Variants in C1orf87 observed in about 807,000 individuals in gnomAD.
The protein encoded by C1orf87 is chromosome 1 open reading frame 87.
Under a neutral mutation model 60.5 loss-of-function variants are expected in C1orf87, and 58 were observed. The ratio of observed to expected loss-of-function variants is 0.96; its 90% CI spans 0.78 to 1.19. C1orf87 has a LOEUF of 1.19. Among genes scored for constraint, C1orf87 ranks in the 50% most tolerant of loss-of-function variants. The pLI is 0.00. For synonymous variants in C1orf87, 236 were observed against 227.4 expected (o/e 1.04, Z -0.34); for missense variants, 673 against 638.6 (o/e 1.05, Z -0.58).
At chr1:60,030,928 T>C (rs1372065039) in intron 7 of C1orf87, among the ~76,000 whole-genome samples, 2 of 152,244 alleles carry the variant, frequency 1.3e-5, no homozygotes, top group African/African-American at 4.8e-5. Context: ...ACAAGACCCA[T>C]AGAATATCCT....
chr1:60,063,726 G>A (rs185473032), intron 2 of C1orf87, among the ~76,000 whole-genome samples: 2 of 152,284 alleles, frequency 1.3e-5, no homozygotes, highest in East Asian at 3.9e-4. Flanking sequence ...TCACTAGGAT[G>A]GAGGCGAGTA....
chr1:60,060,251 C>T (rs1645486375), intron 2 of C1orf87, among the ~76,000 whole-genome samples: 1 of 152,000 alleles, frequency 6.6e-6, no homozygotes, highest in Admixed American at 6.6e-5. Flanking sequence ...TATCTAAATG[C>T]TTATGTGTGT....
intron 8 of C1orf87, among the ~76,000 whole-genome samples, chr1:60,023,812 C>A (rs1645180522): frequency 6.6e-6 from 1 of 152,092 alleles, no homozygotes; most frequent in Admixed American, 6.5e-5. Flanking sequence ...TTACTCAGAT[C>A]TTCCTCATTT....
At chr1:60,046,770 C>T (rs1645375077) in intron 3 of C1orf87, among the ~76,000 whole-genome samples, 2 of 152,170 alleles carry the variant, frequency 1.3e-5, no homozygotes, top group South Asian at 4.1e-4. Flanking sequence ...AGTCTTCCCA[C>T]TCTGCCCCTT....
At chr1:60,004,487 T>C (rs1055938249) in intron 9 of C1orf87, among the ~76,000 whole-genome samples, 2 of 152,026 alleles carry the variant, frequency 1.3e-5, no homozygotes, top group Admixed American at 6.6e-5. Context: ...AAATAAGATC[T>C]AGAACATAAA....
At chr1:60,058,971 G>T (rs1241271708) in intron 2 of C1orf87, among the ~76,000 whole-genome samples, 2 of 152,148 alleles carry the variant, frequency 1.3e-5, no homozygotes, top group East Asian at 3.9e-4. Context: ...GGCAGTGTCA[G>T]GACAGAATTG....
intron 3 of C1orf87, 96 bp downstream of exon 3, chr1:60,055,108 A>G (rs1645443506): frequency 9.2e-7 from 1 of 1,085,280 alleles, no homozygotes; most frequent in African/African-American, 1.6e-5. Flanking sequence ...TATATTAATG[A>G]ACATTTGTAC....
chr1:60,064,991 AC>A (rs1361158668), intron 2 of C1orf87, among the ~76,000 whole-genome samples: 1 of 17,210 alleles, frequency 5.8e-5, no homozygotes, highest in African/African-American at 2.0e-4. Flanking sequence ...ATTATAAAAT[AC>A]ATATAAATAT....
At chr1:60,063,375 G>A (rs1645509977) in intron 2 of C1orf87, among the ~76,000 whole-genome samples, 1 of 152,058 alleles carries the variant, frequency 6.6e-6, no homozygotes, top group Admixed American at 6.6e-5. Context: ...CTCTCCAAAT[G>A]TTTTCTCTCT....
At chr1:60,060,585 CAAG>C (rs1394809819) in intron 2 of C1orf87, among the ~76,000 whole-genome samples, 1 of 152,002 alleles carries the variant, frequency 6.6e-6, no homozygotes, top group African/African-American at 2.4e-5. Flanking sequence ...GATAGGAACT[CAAG>C]AAAATCTATT....
intron 7 of C1orf87, among the ~76,000 whole-genome samples, chr1:60,028,114 T>C (rs758521883): frequency 9.9e-5 from 15 of 151,986 alleles, no homozygotes; most frequent in Non-Finnish European, 1.9e-4. Flanking sequence ...TGTGTATGAG[T>C]GGAGGTTGGC....
intron 8 of C1orf87, among the ~76,000 whole-genome samples, chr1:60,011,114 T>C (rs1164055121): frequency 6.6e-6 from 1 of 151,968 alleles, no homozygotes; most frequent in Non-Finnish European, 1.5e-5. Flanking sequence ...GAGTTCTGAG[T>C]GCAAGAACAC....
chr1:60,021,254 A>T (rs1416669871), intron 8 of C1orf87, among the ~76,000 whole-genome samples: 1 of 152,204 alleles, frequency 6.6e-6, no homozygotes, highest in Admixed American at 6.5e-5. Context: ...ACAGACTAAT[A>T]CAGCCAAGAA....
chr1:60,005,854 C>T (rs1357472186), intron 9 of C1orf87, among the ~76,000 whole-genome samples: 2 of 142,056 alleles, frequency 1.4e-5, no homozygotes, highest in Admixed American at 1.4e-4. Context: ...TTATCCCCTT[C>T]TGAAGACAGC....
intron 8 of C1orf87, among the ~76,000 whole-genome samples, chr1:60,023,923 T>A (rs1645181236): frequency 6.6e-6 from 1 of 152,192 alleles, no homozygotes; most frequent in Admixed American, 6.5e-5. Flanking sequence ...ACACTGGGGT[T>A]ACATGTTGCA....
At chr1:60,031,981 AACACAC>A (rs56139918) in intron 7 of C1orf87, among the ~76,000 whole-genome samples, 10 of 149,320 alleles carry the variant, frequency 6.7e-5, no homozygotes, top group Non-Finnish European at 1.0e-4. Flanking sequence ...ATAATATTCA[AACACAC>A]ACACACACAC....
chr1:60,033,508 G>T lies in C1orf87; in HGVS notation c.997C>A (p.Arg333Ser). The change falls in exon 7 of 12, where the codon CGC becomes AGC. Residue 333 changes from arginine to serine, a missense_variant. Transcript: ENST00000371201. ...AGAGGGAGGCAGCCAGAGAACGAGC[G>T]ATCTTCTTTTCGAAAACTCAGATTG... ...NLNLSFRKED[R>S]SFSGCLPLPK... is the part of the protein sequence containing the mutation. 6.2e-7 allele frequency: 1 copy of T among 1,613,842 alleles called. No individual in the cohort carries two copies. Among genetic ancestry groups the T allele is most frequent in the Non-Finnish European group, 8.5e-7 (1 of 1,179,880 alleles).
intron 6 of C1orf87, among the ~76,000 whole-genome samples, chr1:60,034,162 C>T (rs994519270): frequency 6.6e-6 from 1 of 152,134 alleles, no homozygotes; most frequent in Admixed American, 6.5e-5. Context: ...GACTCTGCTC[C>T]TTATATCTGA....
At chr1:60,049,010 T>C (rs1201705557) in intron 3 of C1orf87, among the ~76,000 whole-genome samples, 2 of 152,182 alleles carry the variant, frequency 1.3e-5, no homozygotes, top group East Asian at 3.9e-4. Flanking sequence ...TTGTTTATAA[T>C]TTTTTGGTGT....
Sources: gnomAD v4.1 joint callset for allele counts (sites outside exome capture counted in the v4.1 genomes callset) on GRCh38, gnomAD v4.1.1 for gene constraint, MANE v1.5 for transcripts, NCBI Gene and HGNC (gene_info 2026-07-23, HGNC 2026-07-21) for gene names.